TRPC7: variants seen among roughly 807,000 people sequenced by gnomAD.
The protein encoded by TRPC7 is transient receptor potential cation channel subfamily C member 7.
A neutral mutation model predicts 90.1 loss-of-function variants in TRPC7; 42 were observed. The observed-to-expected ratio is 0.47, with a 90% CI of 0.36 to 0.60. The LOEUF (loss-of-function observed/expected upper bound fraction) is 0.60, where lower values mean the gene tolerates loss of function less well. Among genes scored for constraint, TRPC7 ranks in the 20% least tolerant of loss-of-function variants. TRPC7 has a pLI of 0.00. For synonymous variants in TRPC7, 451 were observed against 436.3 expected (o/e 1.03, Z -0.42); for missense variants, 955 against 1,112.3 (o/e 0.86, Z 2.01).
At chr5:136,272,048 C>T (rs1263115268) in intron 4 of TRPC7, among the ~76,000 whole-genome samples, 1 of 152,182 alleles carries the variant, frequency 6.6e-6, no homozygotes, top group Non-Finnish European at 1.5e-5. Context: ...GAAATCTCAA[C>T]ATTTACTAGA....
chr5:136,236,346 C>T (rs561976452), intron 7 of TRPC7, among the ~76,000 whole-genome samples: 1 of 152,322 alleles, frequency 6.6e-6, no homozygotes, highest in East Asian at 1.9e-4. Flanking sequence ...AATTCAGCTG[C>T]TTGTTTTCTG....
Position 136,337,447 on chromosome 5 carries a change from C to G in TRPC7, c.780+19161G>C, listed in dbSNP as rs536054937. ...CTTTGGGAAGCCAAGGTGGGCGGAT[C>G]CTGAGGTCAGGAGATAGAGACCATA... On this transcript the variant is annotated intron_variant, in intron 2 of 11. Coordinates refer to ENST00000513104, the MANE Select transcript of TRPC7 (RefSeq NM_020389.3). Among the ~76,000 whole-genome samples the G allele has an allele frequency of 6.6e-5, 10 of 152,212 alleles. No individual in the cohort carries two copies. The South Asian group carries it at 1.9e-3, about 28-fold the overall frequency.
chr5:136,286,992 A>C (rs1228917699), intron 3 of TRPC7, among the ~76,000 whole-genome samples: 1 of 152,122 alleles, frequency 6.6e-6, no homozygotes, highest in Non-Finnish European at 1.5e-5. Flanking sequence ...AAATCTTGTT[A>C]ATTTCCTTCT....
intron 6 of TRPC7, among the ~76,000 whole-genome samples, chr5:136,248,147 T>C (rs1013551010): frequency 4.6e-5 from 7 of 152,218 alleles, no homozygotes; most frequent in Non-Finnish European, 5.9e-5. Flanking sequence ...TTTAGCTCCA[T>C]GCTCAGGAGC....
intron 3 of TRPC7, among the ~76,000 whole-genome samples, chr5:136,277,199 T>C (rs1486394720): frequency 6.6e-6 from 1 of 152,158 alleles, no homozygotes; most frequent in Non-Finnish European, 1.5e-5. Context: ...GAGAACACAG[T>C]GGTGACTATT....
chr5:136,331,558 G>A (rs1349952781), intron 2 of TRPC7, among the ~76,000 whole-genome samples: 2 of 152,064 alleles, frequency 1.3e-5, no homozygotes, highest in African/African-American at 4.8e-5. Context: ...TTATTCCTGG[G>A]GAAACATTTC....
chr5:136,312,106 A>G (rs1758850433), intron 3 of TRPC7, among the ~76,000 whole-genome samples: 1 of 152,272 alleles, frequency 6.6e-6, no homozygotes, highest in South Asian at 2.1e-4. Context: ...ACTGACTTCA[A>G]TAGGCACCTC....
chr5:136,294,208 T>C (rs907679089), intron 3 of TRPC7, among the ~76,000 whole-genome samples: 4 of 152,108 alleles, frequency 2.6e-5, no homozygotes, highest in Admixed American at 2.0e-4. Context: ...ACCAAGGCAA[T>C]ACCATTCAGG....
chr5:136,231,289 A>G (rs982367654), intron 8 of TRPC7, 65 bp downstream of exon 8: 9 of 1,399,400 alleles, frequency 6.4e-6, no homozygotes, highest in Non-Finnish European at 8.7e-6. Flanking sequence ...CATTCCCCTC[A>G]TTGCTGAAAA....
Position 136,365,374 on chromosome 5 carries a change from G to T in TRPC7, c.-120C>A. The stretch of plus-strand genomic sequence containing the variant: ...ATGTACCGCTCTCCGTGGTGCTGAA[G>T]TATAGAGCTGGTCAAGTGAGTTAAG... On this transcript the variant is annotated 5_prime_UTR_variant, in exon 1 of 12. Transcript: ENST00000513104. 1 of 1,031,106 alleles carries T rather than the reference G, an allele frequency of 9.7e-7. No individual in the cohort carries two copies. The highest frequency in any genetic ancestry group is 1.5e-6 in the Non-Finnish European group (1 of 688,956). 63.9% of individuals were successfully genotyped at this position (1,031,106 alleles called of 1,614,324 possible).
chr5:136,298,875 C>T (rs960690885), intron 3 of TRPC7, among the ~76,000 whole-genome samples: 1 of 152,100 alleles, frequency 6.6e-6, no homozygotes, highest in Non-Finnish European at 1.5e-5. Context: ...TGAAAAAACC[C>T]TTGTTTCAGG....
chr5:136,226,888 A>C (rs1755648710), intron 8 of TRPC7, among the ~76,000 whole-genome samples: 1 of 152,246 alleles, frequency 6.6e-6, no homozygotes, highest in Non-Finnish European at 1.5e-5. Flanking sequence ...TTCAAACTCC[A>C]GTGTGAATTT....
chr5:136,333,134 C>T (rs1759551181), intron 2 of TRPC7, among the ~76,000 whole-genome samples: 2 of 152,214 alleles, frequency 1.3e-5, no homozygotes, highest in Non-Finnish European at 2.9e-5. Context: ...CACAGCCTGA[C>T]TGTGGCAGTA....
intron 3 of TRPC7, among the ~76,000 whole-genome samples, chr5:136,286,273 C>A (rs1192455986): frequency 3.3e-5 from 5 of 152,196 alleles, no homozygotes; most frequent in Admixed American, 2.6e-4. Context: ...TGGAATCAGA[C>A]CTTGACAATC....
At chr5:136,274,219 C>T (rs745531374) in intron 4 of TRPC7, among the ~76,000 whole-genome samples, 9 of 152,126 alleles carry the variant, frequency 5.9e-5, no homozygotes, top group Non-Finnish European at 1.2e-4. Flanking sequence ...GGACCTACTT[C>T]ATAAAGCATA....
intron 5 of TRPC7, among the ~76,000 whole-genome samples, chr5:136,265,199 A>G (rs1399959418): frequency 6.6e-6 from 1 of 152,220 alleles, no homozygotes; most frequent in Non-Finnish European, 1.5e-5. Context: ...GAATATAAAC[A>G]TAATGAAAAT....
intron 10 of TRPC7, among the ~76,000 whole-genome samples, chr5:136,218,799 T>C (rs1755358200): frequency 6.6e-6 from 1 of 152,198 alleles, no homozygotes; most frequent in Admixed American, 6.5e-5. Flanking sequence ...CATTGAGTGC[T>C]TCCATAGACC....
intron 2 of TRPC7, among the ~76,000 whole-genome samples, chr5:136,319,994 G>A (rs1161001377): frequency 6.6e-6 from 1 of 152,080 alleles, no homozygotes. Flanking sequence ...ATACACTGGA[G>A]AGTCCAAAAT....
chr5:136,219,384 C>T (rs1755377957), intron 10 of TRPC7, among the ~76,000 whole-genome samples: 1 of 152,222 alleles, frequency 6.6e-6, no homozygotes, highest in African/African-American at 2.4e-5. Context: ...TGCAGGGACA[C>T]TTTAGCCTTC....
Sources: allele counts gnomAD v4.1 joint callset (sites outside exome capture counted in the v4.1 genomes callset), GRCh38; gene constraint gnomAD v4.1.1; transcripts MANE v1.5; gene names NCBI Gene and HGNC (gene_info 2026-07-23, HGNC 2026-07-21).